LRP12: variants seen among roughly 807,000 people sequenced by gnomAD.
LRP12 encodes low-density lipoprotein receptor-related protein 12.
Under a neutral mutation model 66.0 loss-of-function variants are expected in LRP12, and 14 were observed. The ratio of observed to expected loss-of-function variants is 0.21; its 90% CI spans 0.14 to 0.33. LRP12 has a LOEUF of 0.33. Ranked by LOEUF, LRP12 falls within the 10% of genes least tolerant of loss-of-function variation. The pLI is 1.00. For synonymous variants in LRP12, 357 were observed against 359.1 expected, an observed-to-expected ratio of 0.99 and a Z score of 0.07; for missense variants, 889 against 1,053.4, an observed-to-expected ratio of 0.84 and a Z score of 2.16.
intron 3 of LRP12, 43 bp from the exon 4 acceptor site, chr8:104,499,562 G>GAA: frequency 2.1e-6 from 3 of 1,398,426 alleles, no homozygotes; most frequent in Non-Finnish European, 3.0e-6. Flanking sequence ...GTCAATTTTG[G>GAA]AAAAAAAAAT....
At chr8:104,534,068 C>CA (rs35546158) in intron 1 of LRP12, among the ~76,000 whole-genome samples, 82,523 of 135,734 alleles carry the variant, frequency 0.61, 24,267 homozygotes, top group East Asian at 0.83. Context: ...TTTATAATAG[C>CA]AAAAAAAAAA....
intron 2 of LRP12, among the ~76,000 whole-genome samples, chr8:104,526,318 T>C (rs1811237735): frequency 6.6e-6 from 1 of 151,990 alleles, no homozygotes; most frequent in Non-Finnish European, 1.5e-5. Flanking sequence ...CTTCACAGAA[T>C]TGGAAAAAAC....
intron 2 of LRP12, among the ~76,000 whole-genome samples, chr8:104,528,203 A>G (rs1191612809): frequency 1.3e-5 from 2 of 152,242 alleles, no homozygotes; most frequent in Non-Finnish European, 2.9e-5. Context: ...ACGACAATCC[A>G]GCAGGGCACT....
intron 1 of LRP12, among the ~76,000 whole-genome samples, chr8:104,562,777 T>A (rs1201895435): frequency 6.6e-6 from 1 of 152,168 alleles, no homozygotes; most frequent in Non-Finnish European, 1.5e-5. Context: ...AGTATTTGCA[T>A]AAGTTATTTA....
At chr8:104,504,813 C>A (rs768139371) in intron 3 of LRP12, 1 of 152,062 alleles carries the variant, frequency 6.6e-6, no homozygotes, top group African/African-American at 2.4e-5. Flanking sequence ...TCAAATTTGC[C>A]GGGCAATTCT....
intron 1 of LRP12, among the ~76,000 whole-genome samples, chr8:104,578,297 A>G (rs1812197079): frequency 1.3e-5 from 2 of 152,192 alleles, no homozygotes; most frequent in Admixed American, 1.3e-4. Flanking sequence ...TCTAGAAGAA[A>G]TGGATAAATT....
At chr8:104,536,510 C>G (rs150010143) in intron 1 of LRP12, among the ~76,000 whole-genome samples, 35 of 152,098 alleles carry the variant, frequency 2.3e-4, no homozygotes, top group African/African-American at 7.7e-4. Flanking sequence ...CAAAACATAA[C>G]ACATAGCAGG....
At chr8:104,562,490 C>T (rs1811928341) in intron 1 of LRP12, among the ~76,000 whole-genome samples, 1 of 152,090 alleles carries the variant, frequency 6.6e-6, no homozygotes, top group African/African-American at 2.4e-5. Flanking sequence ...ATAATACCAA[C>T]AAACCCATCA....
chr8:104,529,028 G>A (rs966663760), intron 2 of LRP12, among the ~76,000 whole-genome samples: 2 of 152,068 alleles, frequency 1.3e-5, no homozygotes, highest in Admixed American at 6.5e-5. Context: ...ATTTTGTTAT[G>A]GCCTGAAATG....
intron 2 of LRP12, among the ~76,000 whole-genome samples, chr8:104,525,101 T>C (rs1811211897): frequency 6.6e-6 from 1 of 152,108 alleles, no homozygotes. Flanking sequence ...TACTCTCTCA[T>C]GTATGCAATT....
At chr8:104,544,491 GA>G (rs1394376223) in intron 1 of LRP12, among the ~76,000 whole-genome samples, 1 of 152,172 alleles carries the variant, frequency 6.6e-6, no homozygotes, top group Non-Finnish European at 1.5e-5. Flanking sequence ...CGAGAGAGAA[GA>G]TATCAATGCC....
At chr8:104,547,013 G>T (rs1811574748) in intron 1 of LRP12, among the ~76,000 whole-genome samples, 2 of 139,130 alleles carry the variant, frequency 1.4e-5, no homozygotes, top group Admixed American at 1.5e-4. Context: ...TATATATTCT[G>T]TATATAATAT....
chr8:104,508,810 A>G, intron 3 of LRP12, 129 bp downstream of exon 3: 3 of 759,710 alleles, frequency 3.9e-6, no homozygotes, highest in Non-Finnish European at 2.1e-6. Context: ...ACCAATAGCT[A>G]ATAGCTGTTC....
At chr8:104,501,743 A>G (rs1456093646) in intron 3 of LRP12, among the ~76,000 whole-genome samples, 2 of 151,720 alleles carry the variant, frequency 1.3e-5, no homozygotes, top group Non-Finnish European at 2.9e-5. Flanking sequence ...TTTGTTAGAC[A>G]TGTGTATTGC....
At chr8:104,583,699 C>A (rs938693728) in intron 1 of LRP12, among the ~76,000 whole-genome samples, 1 of 152,154 alleles carries the variant, frequency 6.6e-6, no homozygotes, top group Non-Finnish European at 1.5e-5. Flanking sequence ...ACAATCCTGA[C>A]TCTACTACTT....
intron 1 of LRP12, among the ~76,000 whole-genome samples, chr8:104,548,325 TATATATTATATAAATATATAA>T (rs1326297240): frequency 8.1e-5 from 1 of 12,408 alleles, no homozygotes; most frequent in African/African-American, 5.4e-4. Flanking sequence ...AAATATATAA[TATATATTATATAAATATATAA>T]ATATATAATA....
rs1588510070 is a variant in LRP12, at chr8:104,574,186, A to C, written c.79+14633T>G. Reference sequence around the variant, plus strand: ...GTTTCTGTTGGAAAATATAGTTGTCATCTTACATATTTTTATTTAACATGT... The same window carrying C: ...GTTTCTGTTGGAAAATATAGTTGTCCTCTTACATATTTTTATTTAACATGT... On this transcript the variant is annotated intron_variant, in intron 1 of 6. Coordinates refer to ENST00000276654, the MANE Select transcript of LRP12 (RefSeq NM_013437.5). 2.0e-5 allele frequency among the ~76,000 whole-genome samples: 3 copies of C among 151,882 alleles called. No homozygotes were observed. The East Asian group carries it at 5.8e-4, about 29-fold the overall frequency.
At position 104,497,211 on chromosome 8, in the gene LRP12, G is replaced by C. The variant is rs1564129026; in HGVS notation, c.1341C>G (p.Asn447Lys). The change falls in exon 5 of 7, where the codon AAC becomes AAG. Residue 447 changes from asparagine (N) to lysine (K), a missense_variant. By Grantham distance (94) the Asn-to-Lys change is moderately conservative. Around this residue, in one of 3 missense-constraint regions of LRP12, gnomAD observed 800 missense variants for 964.5 expected, o/e 0.83. Transcript: ENST00000276654. The surrounding 1 kb of genome is among the most constrained non-coding windows in gnomAD (Gnocchi z 4.3). The stretch of plus-strand genomic sequence containing the variant: ...AATTTCCTGGTTGGCAAAAAAAGCA[G>C]TTTTTTTCATCTGAGCCATTTGGGC... ...NHCPNGSDEK[N>K]CFFCQPGNFH... 6.2e-7 allele frequency: 1 copy of C among 1,612,052 alleles called. No individual in the cohort carries two copies. The highest frequency in any genetic ancestry group is 8.5e-7 in the Non-Finnish European group (1 of 1,179,022).
Position 104,491,451 on chromosome 8 carries a change from T to A in LRP12, c.1802A>T (p.Asn601Ile), listed in dbSNP as rs751939301. ...VRLPMAGRSS[N>I]IWNRIFNFAR... ...AAAATTAAAAATACGGTTCCAAATG[T>A]TGCTTGATCTGCCTGCCATAGGAAG... Residue 601 changes from asparagine to isoleucine, a missense_variant, in exon 7 of 7, where the codon AAC becomes ATC. Asn to Ile is a moderately radical substitution (Grantham distance 149). Transcript: ENST00000276654. 1 of 1,614,112 alleles carries A rather than the reference T, an allele frequency of 6.2e-7. No individual in the cohort carries two copies. The highest frequency in any genetic ancestry group is 8.5e-7 in the Non-Finnish European group (1 of 1,180,012).
Sources: allele counts gnomAD v4.1 joint callset (sites outside exome capture counted in the v4.1 genomes callset), GRCh38; gene constraint gnomAD v4.1.1; regional missense constraint gnomAD v4.1.1; non-coding constraint Gnocchi (gnomAD v3.1); transcripts MANE v1.5; gene names NCBI Gene and HGNC (gene_info 2026-07-23, HGNC 2026-07-21).